WDR25: variants seen among roughly 807,000 people sequenced by gnomAD.
WDR25 encodes WD repeat-containing protein 25.
Under a neutral mutation model 47.7 loss-of-function variants are expected in WDR25, and 35 were observed. That is an observed-to-expected ratio of 0.73 (90% CI 0.56 to 0.97). The LOEUF (loss-of-function observed/expected upper bound fraction) is 0.97, where lower values mean the gene tolerates loss of function less well. Among genes scored for constraint, WDR25 ranks in the 50% least tolerant of loss-of-function variants. The pLI is 0.00. For synonymous variants in WDR25, 248 were observed against 278.9 expected (o/e 0.89, Z 1.10); for missense variants, 634 against 704.7 (o/e 0.90, Z 1.14).
rs748246450 is a variant in WDR25 at position 100,381,438 on chromosome 14, T to C, written c.514T>C (p.Cys172Arg). The C allele has an allele frequency of 1.9e-6, 3 of 1,614,188 alleles. No homozygotes were observed. In the South Asian group the frequency reaches 3.3e-5, roughly 18 times the overall value. ...SSFQKKKCED[C>R]VVPYTPRRLR... ...TTTTCAGAAGAAAAAATGTGAGGAC[T>C]GTGTGGTACCCTATACTCCCAGAAG... The change falls in exon 2 of 7, where the codon TGT becomes CGT. Residue 172 changes from cysteine (C) to arginine (R), a missense_variant. Transcript: ENST00000402312.
In WDR25 at chr14:100,430,024, G is replaced by A. The variant is rs1295681762; in HGVS notation, c.823-37997G>A. On this transcript the variant is annotated intron_variant, in intron 2 of 6. Coordinates refer to ENST00000402312, the MANE Select transcript of WDR25 (RefSeq NM_001161476.3). This position sits in a 1 kb window ranked among gnomAD's most constrained non-coding sequence, Gnocchi z 4.7. ...GGAAGACACATCCATGACACCCCTA[G>A]TATGCTGCCTGACACATGGCAAGTG... is the stretch of plus-strand genomic sequence containing the variant. Among the ~76,000 whole-genome samples, 1 of 152,154 alleles carries A rather than the reference G, an allele frequency of 6.6e-6. No homozygotes were observed. The highest frequency in any genetic ancestry group is 1.9e-4 in the East Asian group (1 of 5,196).
At chr14:100,448,641 T>C (rs544916605) in intron 2 of WDR25, among the ~76,000 whole-genome samples, 1 of 152,212 alleles carries the variant, frequency 6.6e-6, no homozygotes, top group Non-Finnish European at 1.5e-5. Context: ...CACCTGGCAA[T>C]GTGGGCATGT....
chr14:100,455,725 A>G (rs1899181326), intron 2 of WDR25, among the ~76,000 whole-genome samples: 1 of 152,224 alleles, frequency 6.6e-6, no homozygotes, highest in South Asian at 2.1e-4. Context: ...GAAATAGTGG[A>G]GTCTAGAGAC....
Position 100,498,696 on chromosome 14 carries a change from A to G in WDR25, c.1101+14572A>G, listed in dbSNP as rs1231743132. ...TGCGTCCTCCTCTTCCAGGGCCAAC[A>G]TGTGAGGTTGTGCAGTCTGTACAGT... On this transcript the variant is annotated intron_variant, in intron 4 of 6. Coordinates refer to ENST00000402312, the MANE Select transcript of WDR25 (RefSeq NM_001161476.3). This position sits in a 1 kb window ranked among gnomAD's most constrained non-coding sequence, Gnocchi z 4.2. 1.3e-5 allele frequency among the ~76,000 whole-genome samples: 2 copies of G among 152,014 alleles called. No individual in the cohort carries two copies. The highest frequency in any genetic ancestry group is 2.9e-5 in the Non-Finnish European group (2 of 68,010).
intron 2 of WDR25, among the ~76,000 whole-genome samples, chr14:100,389,052 T>C (rs879464474): frequency 3.9e-5 from 6 of 152,236 alleles, no homozygotes; most frequent in Non-Finnish European, 7.3e-5. Context: ...CTTTTAAAAC[T>C]CGGAGACAGT....
At chr14:100,397,792 G>A (rs752547182) in intron 2 of WDR25, among the ~76,000 whole-genome samples, 6 of 152,236 alleles carry the variant, frequency 3.9e-5, no homozygotes, top group Non-Finnish European at 7.3e-5. Context: ...AGCTGGACGA[G>A]GCTGGGCATT....
intron 2 of WDR25, among the ~76,000 whole-genome samples, chr14:100,413,415 CTTT>C (rs563468543): frequency 5.0e-5 from 7 of 140,332 alleles, no homozygotes; most frequent in Admixed American, 7.1e-5. Context: ...TTTGCCATTA[CTTT>C]TTTTTTTTTT....
chr14:100,503,472 T>C (rs1901009224), intron 4 of WDR25, among the ~76,000 whole-genome samples: 1 of 152,196 alleles, frequency 6.6e-6, no homozygotes. Flanking sequence ...TATAATGAGC[T>C]GTACCTATTT....
intron 4 of WDR25, among the ~76,000 whole-genome samples, chr14:100,486,107 G>A (rs1027433050): frequency 6.6e-6 from 1 of 151,016 alleles, no homozygotes; most frequent in Admixed American, 6.6e-5. Context: ...ACAAGTGAAA[G>A]AAAACATTTG....
At chr14:100,431,685 T>C (rs909486549) in intron 2 of WDR25, among the ~76,000 whole-genome samples, 1 of 151,798 alleles carries the variant, frequency 6.6e-6, no homozygotes, top group Non-Finnish European at 1.5e-5. Flanking sequence ...TAGCTGGGAT[T>C]ACAGGTGCCT....
intron 2 of WDR25, among the ~76,000 whole-genome samples, chr14:100,384,206 C>T (rs1595487089): frequency 1.3e-5 from 2 of 152,240 alleles, no homozygotes; most frequent in African/African-American, 4.8e-5. Flanking sequence ...ATCTCCTGAC[C>T]CTCTTTTTTT....
In WDR25 at chr14:100,422,685, C is replaced by T. The variant is rs570889740; in HGVS notation, c.822+40939C>T. ...TATTTGTTCCGTGGACGCCCACCAG[C>T]GTACTGAGCGTTCCCATTTCTTCAC... On this transcript the variant is annotated intron_variant, in intron 2 of 6. Transcript: ENST00000402312. Among the ~76,000 whole-genome samples, 7 of 152,338 alleles carry T rather than the reference C, an allele frequency of 4.6e-5. No homozygotes were observed. In the East Asian group the frequency reaches 1.2e-3, roughly 25 times the overall value.
intron 2 of WDR25, among the ~76,000 whole-genome samples, chr14:100,390,570 C>T: frequency 6.6e-6 from 1 of 152,218 alleles, no homozygotes; most frequent in East Asian, 1.9e-4. Context: ...GTCAGCTTCT[C>T]AGGGAGGTGT....
intron 3 of WDR25, among the ~76,000 whole-genome samples, chr14:100,470,450 C>G (rs1419045701): frequency 6.6e-6 from 1 of 152,192 alleles, no homozygotes; most frequent in Non-Finnish European, 1.5e-5. Flanking sequence ...AAGCATTATT[C>G]TCTCAATCAA....
chr14:100,501,052 AC>A (rs947094625), intron 4 of WDR25, among the ~76,000 whole-genome samples: 2 of 152,196 alleles, frequency 1.3e-5, no homozygotes, highest in African/African-American at 4.8e-5. Context: ...TACTGTGTGC[AC>A]CGGGCGACCT....
chr14:100,451,137 T>C lies in WDR25; in HGVS notation c.823-16884T>C, dbSNP rs113981858. On this transcript the variant is annotated intron_variant, in intron 2 of 6. Coordinates refer to ENST00000402312, the MANE Select transcript of WDR25 (RefSeq NM_001161476.3). ...CTGAGTCGGGGAGGGACGCTTATACTAGAGAAAGAGAAAATAGACGCCAGG... is the reference window on the plus strand; with the variant it reads ...CTGAGTCGGGGAGGGACGCTTATACCAGAGAAAGAGAAAATAGACGCCAGG... 2.3e-3 allele frequency among the ~76,000 whole-genome samples: 354 copies of C among 152,150 alleles called. 3 individuals carry two copies. The highest frequency in any genetic ancestry group is 8.1e-3 in the African/African-American group (337 of 41,502).
At chr14:100,482,081 GAA>G (rs534886352) in intron 3 of WDR25, among the ~76,000 whole-genome samples, 1 of 139,396 alleles carries the variant, frequency 7.2e-6, no homozygotes, top group African/African-American at 2.6e-5. Flanking sequence ...TTATGAAAGA[GAA>G]AAAAAAAAAA....
intron 2 of WDR25, among the ~76,000 whole-genome samples, chr14:100,390,830 T>G (rs1480975215): frequency 2.0e-5 from 3 of 152,204 alleles, no homozygotes; most frequent in Non-Finnish European, 4.4e-5. Flanking sequence ...CTTCTCACCC[T>G]CCACAGCGGC....
At chr14:100,426,956 CAG>C (rs1333519933) in intron 2 of WDR25, among the ~76,000 whole-genome samples, 1 of 152,146 alleles carries the variant, frequency 6.6e-6, no homozygotes, top group African/African-American at 2.4e-5. Flanking sequence ...AAATCTCAGG[CAG>C]AGGGGTTTCA....
Sources: allele counts gnomAD v4.1 joint callset (sites outside exome capture counted in the v4.1 genomes callset), GRCh38; gene constraint gnomAD v4.1.1; non-coding constraint Gnocchi (gnomAD v3.1); transcripts MANE v1.5; gene names NCBI Gene and HGNC (gene_info 2026-07-23, HGNC 2026-07-21).